Variants in NOL8 observed in about 807,000 individuals in gnomAD.
NOL8 encodes the protein nucleolar protein 8.
Under a neutral mutation model 116.1 loss-of-function variants are expected in NOL8, and 93 were observed. The ratio of observed to expected loss-of-function variants is 0.80; its 90% CI spans 0.68 to 0.95. NOL8 has a LOEUF of 0.95. Ranked by LOEUF, NOL8 falls within the 40% of genes least tolerant of loss-of-function variation. NOL8 has a pLI of 0.00. For missense variants in NOL8, 1,291 were observed against 1,382.8 expected (o/e 0.93, Z 1.05); for synonymous variants, 419 against 469.0 (o/e 0.89, Z 1.38).
intron 13 of NOL8, chr9:92,300,539 C>T (rs1837644177): frequency 1.0e-6 from 1 of 990,002 alleles, no homozygotes; most frequent in Non-Finnish European, 1.2e-6. Context: ...ACTTAAAAAA[C>T]ATCTTTCAAG....
intron 3 of NOL8, chr9:92,323,186 T>C (rs1840064507): frequency 2.4e-6 from 2 of 841,316 alleles, no homozygotes; most frequent in Non-Finnish European, 3.4e-6. Context: ...CTATGAAAGT[T>C]TGGTCCCTTG....
intron 7 of NOL8, among the ~76,000 whole-genome samples, chr9:92,313,993 T>C (rs1839109217): frequency 6.6e-6 from 1 of 152,212 alleles, no homozygotes; most frequent in East Asian, 1.9e-4. Flanking sequence ...TTGGCAAGAC[T>C]TGGCAAGGTA....
Position 92,299,883 on chromosome 9 carries a change from T to C in NOL8, c.3302+7A>G. On this transcript the variant is annotated splice_region_variant and intron_variant, in intron 14 of 16. Coordinates refer to ENST00000442668, the MANE Select transcript of NOL8 (RefSeq NM_017948.6). ...GAACTATGCCTGCAAAGAAACAAAT[T>C]GTTTACCCAGGACTGGAGTTTCTGT... The C allele has an allele frequency of 6.2e-7, 1 of 1,612,070 alleles. No individual in the cohort carries two copies. The highest frequency in any genetic ancestry group is 8.5e-7 in the Non-Finnish European group (1 of 1,178,964).
intron 14 of NOL8, among the ~76,000 whole-genome samples, chr9:92,299,477 C>T (rs1409428495): frequency 1.3e-5 from 2 of 152,170 alleles, no homozygotes; most frequent in African/African-American, 2.4e-5. Flanking sequence ...TGTCCAGGCT[C>T]AGTGGCAGGG....
chr9:92,323,903 C>A (rs965983957), intron 2 of NOL8, 120 bp downstream of exon 2: 3 of 1,129,172 alleles, frequency 2.7e-6, no homozygotes, highest in Non-Finnish European at 3.7e-6. Context: ...TATACCTCCA[C>A]AACATCACTT....
At chr9:92,306,040 C>G (rs1838225491) in intron 11 of NOL8, among the ~76,000 whole-genome samples, 1 of 152,180 alleles carries the variant, frequency 6.6e-6, no homozygotes, top group Non-Finnish European at 1.5e-5. Flanking sequence ...GTTGCCCAGG[C>G]TGGAGTGCAA....
chr9:92,324,734 A>G lies in NOL8; in HGVS notation c.-48-525T>C, dbSNP rs1840295998. 2 of 152,272 alleles carry G rather than the reference A, an allele frequency of 1.3e-5. 1 individual carries two copies. Among genetic ancestry groups the G allele is most frequent in the South Asian group, 4.1e-4 (2 of 4,840 alleles). 9.4% of individuals were successfully genotyped at this position (152,272 alleles called of 1,614,324 possible). A position where few individuals can be genotyped will look rare whatever the true frequency, so the allele number is the denominator to read the frequency against. On this transcript the variant is annotated intron_variant, in intron 1 of 16. Coordinates refer to ENST00000442668, the MANE Select transcript of NOL8 (RefSeq NM_017948.6). Reference sequence around the variant, plus strand: ...ACAAAAGAATAAAACAAATGGCACAATATTATGTCACAATAAAAGTGCTGC... The same window carrying G: ...ACAAAAGAATAAAACAAATGGCACAGTATTATGTCACAATAAAAGTGCTGC...
At chr9:92,323,558 G>T in intron 2 of NOL8, 55 bp from the exon 3 acceptor site, 1 of 1,425,648 alleles carries the variant, frequency 7.0e-7, no homozygotes, top group South Asian at 1.3e-5. Flanking sequence ...CTTATCCAGA[G>T]AGCAATGTAA....
At position 92,315,967 on chromosome 9, in the gene NOL8, T is replaced by C; in HGVS notation, c.658A>G (p.Ile220Val). ...CTCTCATCCTTCTGCACTTTTATTA[T>C]CTTCTTGGGAGGGCCATGAAAGTCA... ...FSDFHGPPKK[I>V]IKVQKDESST... The change falls in exon 7 of 17, where the codon ATA (isoleucine) becomes GTA (valine). Residue 220 changes from isoleucine to valine, a missense_variant. Physicochemically the swap from Ile to Val is conservative, Grantham distance 29. Transcript: ENST00000442668. 6.2e-7 allele frequency: 1 copy of C among 1,613,934 alleles called. No homozygotes were observed. Among genetic ancestry groups the C allele is most frequent in the Non-Finnish European group, 8.5e-7 (1 of 1,179,878 alleles).
intron 2 of NOL8, 85 bp from the exon 3 acceptor site, chr9:92,323,588 A>G (rs75489638): frequency 1.9e-6 from 1 of 540,222 alleles, no homozygotes; most frequent in Non-Finnish European, 2.6e-6. Context: ...TTTCTAAATT[A>G]AAAAAAAAAA....
At chr9:92,317,151 TAC>T (rs1369031369) in intron 6 of NOL8, among the ~76,000 whole-genome samples, 2 of 152,144 alleles carry the variant, frequency 1.3e-5, no homozygotes, top group African/African-American at 4.8e-5. Flanking sequence ...TTTGTAGAGT[TAC>T]AGTCTCACTA....
In NOL8 at chr9:92,318,638, TA is replaced by T; in HGVS notation, c.465del (p.Asn157IlefsTer19). The T allele has an allele frequency of 6.2e-7, 1 of 1,602,834 alleles. No individual in the cohort carries two copies. The highest frequency in any genetic ancestry group is 1.8e-5 in the Admixed American group (1 of 56,932). ...KFGRVLPVLH[L>X]KNQHKRKIIK... is the part of the protein sequence containing the mutation. ...GATATTTTACGTTTATGTTGATTTT[TA>T]AGGTGAAGAACAGGTAAGACTCTTC... On this transcript the variant is annotated frameshift_variant, in exon 6 of 17. Transcript: ENST00000442668. LOFTEE classifies it high-confidence loss of function.
Position 92,311,250 on chromosome 9 carries a change from G to C in NOL8, c.2368C>G (p.Pro790Ala), listed in dbSNP as rs1838760074. 2 of 1,612,260 alleles carry C rather than the reference G, an allele frequency of 1.2e-6. No homozygotes were observed. Among genetic ancestry groups the C allele is most frequent in the East Asian group, 2.2e-5 (1 of 44,880 alleles). Residue 790 changes from proline to alanine, a missense_variant, in exon 8 of 17, where the codon CCA becomes GCA. Physicochemically the swap from Pro to Ala is conservative, Grantham distance 27. Transcript: ENST00000442668. ...HNALANLDGH[P>A]EDKPTHIIFG... ...ATGATGTGCGTTGGCTTATCCTCTG[G>C]ATGACCATCCTAGGGAGGCCATCGA... is the stretch of plus-strand genomic sequence containing the variant.
Position 92,324,008 on chromosome 9 carries a change from A to C in NOL8, c.139+15T>G. On this transcript the variant is annotated intron_variant, in intron 2 of 16. Coordinates refer to ENST00000442668, the MANE Select transcript of NOL8 (RefSeq NM_017948.6). ...ATGTCTGCCTATAACTGCCCAGTGAAGGACCATAAATTACCTTGGTCATCT... is the reference window on the plus strand; with the variant it reads ...ATGTCTGCCTATAACTGCCCAGTGACGGACCATAAATTACCTTGGTCATCT... 1 of 1,613,516 alleles carries C rather than the reference A, an allele frequency of 6.2e-7. No homozygotes were observed. Among genetic ancestry groups the C allele is most frequent in the Non-Finnish European group, 8.5e-7 (1 of 1,179,594 alleles).
chr9:92,300,770 A>G (rs1294993961), intron 13 of NOL8: 2 of 1,191,266 alleles, frequency 1.7e-6, no homozygotes, highest in African/African-American at 1.6e-5. Flanking sequence ...GTGAACCGAG[A>G]TTGCACCACT....
Position 92,299,998 on chromosome 9 carries a change from G to C in NOL8, c.3194C>G (p.Thr1065Arg), listed in dbSNP as rs768796432. 1 of 1,613,336 alleles carries C rather than the reference G, an allele frequency of 6.2e-7. No individual in the cohort carries two copies. Among genetic ancestry groups the C allele is most frequent in the Admixed American group, 1.7e-5 (1 of 60,012 alleles). The change falls in exon 14 of 17, where the codon ACA becomes AGA. Residue 1065 changes from threonine to arginine, a missense_variant. By Grantham distance (71) the Thr-to-Arg change is moderately conservative. Coordinates refer to ENST00000442668, the MANE Select transcript of NOL8 (RefSeq NM_017948.6). Reference sequence around the variant, plus strand: ...CCAGACAATCTTTCCAGGTTTCACTGTTTCAACTCTGTAGGTCTCTATATC... The same window carrying C: ...CCAGACAATCTTTCCAGGTTTCACTCTTTCAACTCTGTAGGTCTCTATATC... ...DIKEETYRVE[T>R]VKPGKIVWQE...
At chr9:92,316,993 C>A (rs1416522637) in intron 6 of NOL8, among the ~76,000 whole-genome samples, 1 of 152,126 alleles carries the variant, frequency 6.6e-6, no homozygotes, top group Non-Finnish European at 1.5e-5. Context: ...TTCACTGCTA[C>A]CCAGGCTGGA....
Position 92,314,383 on chromosome 9 carries a change from C to G in NOL8, c.2242G>C (p.Val748Leu), listed in dbSNP as rs2236344. 73,896 of 1,613,476 alleles carry G rather than the reference C, an allele frequency of 0.046. 2,127 individuals carry two copies. The highest frequency in any genetic ancestry group is 0.12 in the African/African-American group (8,629 of 75,012). ...TCAGCATGCTTATCTTTAGCACTCACATCTGACGAATTACTAATAGAAAGT... is the reference window on the plus strand; with the variant it reads ...TCAGCATGCTTATCTTTAGCACTCAGATCTGACGAATTACTAATAGAAAGT... ...FSLSISNSSD[V>L]SAKDKHAEDN... is the part of the protein sequence containing the mutation. The change falls in exon 7 of 17, where the codon GTG becomes CTG. Residue 748 changes from valine (V) to leucine (L), a missense_variant. Physicochemically the swap from Val to Leu is conservative, Grantham distance 32 (BLOSUM62 1). Coordinates refer to ENST00000442668, the MANE Select transcript of NOL8 (RefSeq NM_017948.6).
intron 3 of NOL8, among the ~76,000 whole-genome samples, chr9:92,322,274 G>A (rs1008560517): frequency 1.3e-5 from 2 of 152,198 alleles, no homozygotes; most frequent in African/African-American, 4.8e-5. Context: ...CTATGCCGTA[G>A]TAATTGATTT....
Sources: gnomAD v4.1 joint callset for allele counts (sites outside exome capture counted in the v4.1 genomes callset) on GRCh38, gnomAD v4.1.1 for gene constraint, MANE v1.5 for transcripts, NCBI Gene and HGNC (gene_info 2026-07-23, HGNC 2026-07-21) for gene names.